ARHGEF12: variants seen among roughly 807,000 people sequenced by gnomAD.
The protein encoded by ARHGEF12 is Rho guanine nucleotide exchange factor 12.
In ARHGEF12, 66 loss-of-function variants were observed where a neutral mutation model predicts 211.2. That is an observed-to-expected ratio of 0.31 (90% CI 0.26 to 0.38). The LOEUF is 0.38. Among genes scored for constraint, ARHGEF12 ranks in the 10% least tolerant of loss-of-function variants. The probability of loss-of-function intolerance (pLI) is 1.00; values close to 1 mark genes in which losing one functional copy is unlikely to be tolerated. For synonymous variants in ARHGEF12, 592 were observed against 638.4 expected (o/e 0.93, Z 1.09); for missense variants, 1,429 against 1,869.5 (o/e 0.76, Z 4.34).
rs1274180848 is a variant in ARHGEF12 at position 120,368,136 on chromosome 11, G to A, written c.32+30861G>A. 3.9e-5 allele frequency among the ~76,000 whole-genome samples: 6 copies of A among 152,090 alleles called. No homozygotes were observed. The East Asian group carries it at 5.8e-4, about 15-fold the overall frequency. ...CTTATTGCTTTGGCTGGGCCACAGC[G>A]GCATGATCTTGGCTCACTGCAGCCT... On this transcript the variant is annotated intron_variant, in intron 1 of 40. Transcript: ENST00000397843.
At chr11:120,340,418 T>A (rs1452259929) in intron 1 of ARHGEF12, among the ~76,000 whole-genome samples, 1 of 152,236 alleles carries the variant, frequency 6.6e-6, no homozygotes, top group Non-Finnish European at 1.5e-5. Context: ...AGTTTTTGAT[T>A]TATAGATAAA....
chr11:120,377,992 G>A (rs1385544627), intron 1 of ARHGEF12, among the ~76,000 whole-genome samples: 1 of 151,582 alleles, frequency 6.6e-6, no homozygotes, highest in Non-Finnish European at 1.5e-5. Context: ...TCTTGGATCA[G>A]CCTTGGTTAG....
At position 120,431,418 on chromosome 11, in the gene ARHGEF12, C is replaced by T. The variant is rs185081261; in HGVS notation, c.784-353C>T. Reference sequence around the variant, plus strand: ...GCATTGGAAGGTAGTTAACAAGAAACTATAGGGTAATAACCTTTATTAATG... The same window carrying T: ...GCATTGGAAGGTAGTTAACAAGAAATTATAGGGTAATAACCTTTATTAATG... On this transcript the variant is annotated intron_variant, in intron 10 of 40. Transcript: ENST00000397843. Among the ~76,000 whole-genome samples, 3 of 152,198 alleles carry T rather than the reference C, an allele frequency of 2.0e-5. No homozygotes were observed. In the East Asian group the frequency reaches 5.8e-4, roughly 29 times the overall value.
intron 1 of ARHGEF12, among the ~76,000 whole-genome samples, chr11:120,347,890 A>T (rs183952801): frequency 5.9e-5 from 9 of 152,356 alleles, no homozygotes; most frequent in Admixed American, 5.9e-4. Context: ...TTTTCAGGTG[A>T]CAATGAGGTG....
At position 120,337,801 on chromosome 11, in the gene ARHGEF12, G is replaced by A. The variant is rs138723988; in HGVS notation, c.32+526G>A. On this transcript the variant is annotated intron_variant, in intron 1 of 40. Coordinates refer to ENST00000397843, the MANE Select transcript of ARHGEF12 (RefSeq NM_015313.3). ...TTAATTATTATCTAATAACTTTCCAGAATGTTGACATTACCAGTAAATCAC... is the reference window on the plus strand; with the variant it reads ...TTAATTATTATCTAATAACTTTCCAAAATGTTGACATTACCAGTAAATCAC... The A allele has an allele frequency of 9.1e-6, 9 of 985,458 alleles. No individual in the cohort carries two copies. In the East Asian group the frequency reaches 7.9e-4, roughly 87 times the overall value. The allele number at this position is 985,458 out of a possible 1,614,324, so 61.0% of individuals were successfully genotyped here.
chr11:120,456,879 G>A (rs763254915), intron 22 of ARHGEF12, among the ~76,000 whole-genome samples: 7 of 151,986 alleles, frequency 4.6e-5, no homozygotes, highest in Non-Finnish European at 1.0e-4. Flanking sequence ...GCAACTGTAG[G>A]CCCCGCTACT....
intron 1 of ARHGEF12, among the ~76,000 whole-genome samples, chr11:120,339,224 G>C (rs1942456234): frequency 1.3e-5 from 2 of 151,186 alleles, no homozygotes; most frequent in Non-Finnish European, 2.9e-5. Context: ...TTTTTTACTA[G>C]GGTCTTTTTT....
rs1946972152 is a variant in ARHGEF12 at position 120,474,577 on chromosome 11, A to G, written c.3051A>G (p.Lys1017=). 18 of 1,611,722 alleles carry G rather than the reference A, an allele frequency of 1.1e-5. No individual in the cohort carries two copies. Among genetic ancestry groups the G allele is most frequent in the Non-Finnish European group, 1.4e-5 (17 of 1,179,408 alleles). Residue 1017 remains lysine (K), a synonymous_variant, in exon 32 of 41, where the codon AAA becomes AAG. Coordinates refer to ENST00000397843, the MANE Select transcript of ARHGEF12 (RefSeq NM_015313.3). ...TTTGCCAGAATTTGGATTTAACAAA[A>G]AGGAAGATGATTCATGAAGGGCCAT... is the stretch of plus-strand genomic sequence containing the variant. ...VEELRNLDLT[K]RKMIHEGPLV...
intron 1 of ARHGEF12, among the ~76,000 whole-genome samples, chr11:120,395,768 C>G (rs12361642): frequency 4.0e-5 from 6 of 151,860 alleles, no homozygotes; most frequent in South Asian, 2.1e-4. Context: ...AGACCCCCCC[C>G]CTTCATGATT....
Position 120,376,690 on chromosome 11 carries a change from C to A in ARHGEF12, c.33-29428C>A, listed in dbSNP as rs140320639. Among the ~76,000 whole-genome samples, 994 of 152,084 alleles carry A rather than the reference C, an allele frequency of 6.5e-3. 10 individuals carry two copies. The highest frequency in any genetic ancestry group is 0.023 in the African/African-American group (942 of 41,484). ...ACTCTTCTAGTTATTTTTAAATGTA[C>A]AATAAATTATGGTTGACTGTAATCA... On this transcript the variant is annotated intron_variant, in intron 1 of 40. Coordinates refer to ENST00000397843, the MANE Select transcript of ARHGEF12 (RefSeq NM_015313.3).
intron 1 of ARHGEF12, among the ~76,000 whole-genome samples, chr11:120,364,949 G>A (rs1161408807): frequency 6.6e-6 from 1 of 151,398 alleles, no homozygotes; most frequent in Non-Finnish European, 1.5e-5. Context: ...ACCATGCTCA[G>A]CTAATTTTTT....
At chr11:120,338,162 A>AT (rs1942415218) in intron 1 of ARHGEF12, among the ~76,000 whole-genome samples, 1 of 152,238 alleles carries the variant, frequency 6.6e-6, no homozygotes, top group African/African-American at 2.4e-5. Context: ...CAATTTAATT[A>AT]TGACACTGCA....
At chr11:120,403,481 T>C (rs1944602458) in intron 1 of ARHGEF12, among the ~76,000 whole-genome samples, 1 of 150,538 alleles carries the variant, frequency 6.6e-6, no homozygotes, top group African/African-American at 2.5e-5. Flanking sequence ...CACTCCAGCC[T>C]GGGTGACAAA....
chr11:120,385,372 A>C, intron 1 of ARHGEF12: 2 of 985,414 alleles, frequency 2.0e-6, no homozygotes, highest in Non-Finnish European at 2.4e-6. Context: ...TATATAAAGA[A>C]AAAGCTTAGG....
chr11:120,452,283 G>A (rs1946235759), intron 22 of ARHGEF12, among the ~76,000 whole-genome samples: 1 of 152,172 alleles, frequency 6.6e-6, no homozygotes, highest in Admixed American at 6.5e-5. Flanking sequence ...TATGTAAAGG[G>A]TAAGACTATT....
At chr11:120,365,844 A>G (rs1943407325) in intron 1 of ARHGEF12, 2 of 152,204 alleles carry the variant, frequency 1.3e-5, no homozygotes, top group Non-Finnish European at 2.9e-5. Context: ...TTTTTAGGTC[A>G]AATTATAGAA....
intron 1 of ARHGEF12, among the ~76,000 whole-genome samples, chr11:120,364,816 A>ATTT (rs59126463): frequency 0.013 from 1,712 of 132,432 alleles, 48 homozygotes; most frequent in African/African-American, 0.04. Flanking sequence ...ACATGTACCA[A>ATTT]TTTTTTTTTT....
rs555781313 is a variant in ARHGEF12, at chr11:120,385,270, G to C, written c.33-20848G>C. The C allele has an allele frequency of 3.0e-6, 3 of 984,114 alleles. No individual in the cohort carries two copies. The African/African-American group carries it at 5.2e-5, about 17-fold the overall frequency. 61.0% of individuals were successfully genotyped at this position (984,114 alleles called of 1,614,324 possible). A position where few individuals can be genotyped will look rare whatever the true frequency, so the allele number is the denominator to read the frequency against. ...TTCGAATGATGATGGTAGATGATTG[G>C]GGGTGGGAGAAGAGGTGGGGTTTCT... On this transcript the variant is annotated intron_variant, in intron 1 of 40. Coordinates refer to ENST00000397843, the MANE Select transcript of ARHGEF12 (RefSeq NM_015313.3).
intron 27 of ARHGEF12, chr11:120,462,727 T>G (rs1003325603): frequency 2.2e-4 from 33 of 152,254 alleles, no homozygotes; most frequent in African/African-American, 7.2e-4. Context: ...TAGATTTTAC[T>G]CTTGCTGTTT....
Sources: allele counts gnomAD v4.1 joint callset (sites outside exome capture counted in the v4.1 genomes callset), GRCh38; gene constraint gnomAD v4.1.1; transcripts MANE v1.5; gene names NCBI Gene and HGNC (gene_info 2026-07-23, HGNC 2026-07-21).